Variants in ZNF114 observed in about 807,000 individuals in gnomAD.
ZNF114 encodes the protein zinc finger protein 114.
In ZNF114, 8 loss-of-function variants were observed where a neutral mutation model predicts 6.8. The ratio of observed to expected loss-of-function variants is 1.18; its 90% CI spans 0.69 to 2.13. The LOEUF is 2.13. Among genes scored for constraint, ZNF114 ranks in the 30% most tolerant of loss-of-function variants. The pLI, the probability that ZNF114 is intolerant of heterozygous loss-of-function variation, is 0.00. For missense variants in ZNF114, 472 were observed against 519.5 expected (o/e 0.91, Z 0.89); for synonymous variants, 169 against 185.5 (o/e 0.91, Z 0.72).
intron 3 of ZNF114, among the ~76,000 whole-genome samples, chr19:48,274,517 T>A (rs1439150892): frequency 1.5e-5 from 2 of 137,858 alleles, no homozygotes; most frequent in African/African-American, 5.8e-5. Flanking sequence ...TTTTTTTTTT[T>A]TTTTTTGAGA....
At chr19:48,277,794 G>GGGGGGTGTGTGTGTGTGTGTGTGTGTGT (rs1330052475) in intron 3 of ZNF114, among the ~76,000 whole-genome samples, 22 of 119,410 alleles carry the variant, frequency 1.8e-4, no homozygotes, top group Middle Eastern at 4.6e-3. Context: ...GGAGGCATTG[G>GGGGGGTGTGTGTGTGTGTGTGTGTGTGT]GTGTGTGTGT....
At position 48,286,052 on chromosome 19, in the gene ZNF114, G is replaced by A. The variant is rs752761142; in HGVS notation, c.428G>A (p.Gly143Glu). 1.9e-6 allele frequency: 3 copies of A among 1,613,876 alleles called. No homozygotes were observed. The highest frequency in any genetic ancestry group is 2.5e-6 in the Non-Finnish European group (3 of 1,180,046). ...KPTCRLVPSQGDSIRQCILTR... is the reference protein window; with the variant it reads ...KPTCRLVPSQEDSIRQCILTR... ...ACCTGCAGGCTTGTGCCTTCACAGG[G>A]AGATTCCATAAGACAATGTATCCTA... is the stretch of plus-strand genomic sequence containing the variant. Residue 143 changes from glycine (G) to glutamate (E), a missense_variant, in exon 6 of 6, where the codon GGA (glycine) becomes GAA (glutamate). Gly to Glu is a moderately conservative substitution (Grantham distance 98). Transcript: ENST00000595607.
At chr19:48,274,836 A>C (rs1043911305) in intron 3 of ZNF114, among the ~76,000 whole-genome samples, 3 of 151,944 alleles carry the variant, frequency 2.0e-5, no homozygotes, top group Admixed American at 2.0e-4. Flanking sequence ...CAGGATGCAA[A>C]CACATTGTGT....
At chr19:48,273,442 T>TA (rs1967732771) in intron 3 of ZNF114, among the ~76,000 whole-genome samples, 4 of 151,240 alleles carry the variant, frequency 2.6e-5, no homozygotes, top group Non-Finnish European at 5.9e-5. Flanking sequence ...TTTTTTTTTT[T>TA]AAACTACTGT....
chr19:48,282,033 C>G (rs1455004366), intron 4 of ZNF114: 2 of 219,968 alleles, frequency 9.1e-6, no homozygotes, highest in Non-Finnish European at 1.8e-5. Flanking sequence ...GTAGCTGGGA[C>G]TAAAGGCACC....
chr19:48,280,901 T>C (rs544262588), intron 4 of ZNF114, among the ~76,000 whole-genome samples: 1 of 152,266 alleles, frequency 6.6e-6, no homozygotes, highest in East Asian at 1.9e-4. Context: ...TATAACAGCC[T>C]GAACAGGCTA....
intron 3 of ZNF114, among the ~76,000 whole-genome samples, chr19:48,278,225 C>A (rs1012781440): frequency 6.6e-6 from 1 of 152,170 alleles, no homozygotes; most frequent in Non-Finnish European, 1.5e-5. Flanking sequence ...CTTGAGCCAA[C>A]GCGCCCGGCC....
At chr19:48,275,419 A>AACACACACACACACACACACACAC (rs58275965) in intron 3 of ZNF114, among the ~76,000 whole-genome samples, 111 of 133,188 alleles carry the variant, frequency 8.3e-4, no homozygotes, top group African/African-American at 1.1e-3. Context: ...TCTCTACTAA[A>AACACACACACACACACACACACAC]ACACACACAC....
At chr19:48,278,818 C>A (rs576614331) in intron 3 of ZNF114, among the ~76,000 whole-genome samples, 40 of 152,186 alleles carry the variant, frequency 2.6e-4, no homozygotes, top group African/African-American at 9.4e-4. Context: ...TGGCAGGCAC[C>A]TGTAATGGCA....
chr19:48,276,224 CGT>C (rs1967828323), intron 3 of ZNF114, among the ~76,000 whole-genome samples: 2 of 151,374 alleles, frequency 1.3e-5, no homozygotes, highest in Admixed American at 1.3e-4. Context: ...GGATTACAGG[CGT>C]GTGCCACCAC....
At chr19:48,270,701 G>A (rs1052956607) in intron 1 of ZNF114, among the ~76,000 whole-genome samples, 1 of 136,014 alleles carries the variant, frequency 7.4e-6, no homozygotes, top group Non-Finnish European at 1.6e-5. Context: ...GGGAGGGAGA[G>A]GAAAAGAAAG....
chr19:48,285,751 T>C lies in ZNF114; in HGVS notation c.137-10T>C. The C allele has an allele frequency of 1.3e-6, 2 of 1,591,610 alleles. No homozygotes were observed. The highest frequency in any genetic ancestry group is 1.7e-6 in the Non-Finnish European group (2 of 1,171,230). On this transcript the variant is annotated splice_polypyrimidine_tract_variant and intron_variant, in intron 5 of 5. Coordinates refer to ENST00000595607, the MANE Select transcript of ZNF114 (RefSeq NM_153608.4). ...ACAAAGAATTTAACTTTTGTGCCAC[T>C]GTATTTCAGATTGGGCAACTCCATG...
At chr19:48,274,905 CTAGTTGGAGTCCCTGGG>C (rs1967784399) in intron 3 of ZNF114, among the ~76,000 whole-genome samples, 1 of 152,074 alleles carries the variant, frequency 6.6e-6, no homozygotes. Flanking sequence ...ATGACATTTA[CTAGTTGGAGTCCCTGGG>C]TAGTCAGAAT....
rs1362525923 is a variant in ZNF114, at chr19:48,286,472, C to G, written c.848C>G (p.Ala283Gly). ...ETNKKDCQTG[A>G]TSANAPNSGS... ...AACAAGAAGGATTGTCAAACTGGGG[C>G]AACCTCTGCCAACGCTCCAAATTCC... Residue 283 changes from alanine to glycine, a missense_variant, in exon 6 of 6, where the codon GCA (alanine) becomes GGA (glycine). Transcript: ENST00000595607. 6.2e-7 allele frequency: 1 copy of G among 1,614,090 alleles called. No individual in the cohort carries two copies. Among genetic ancestry groups the G allele is most frequent in the African/African-American group, 1.3e-5 (1 of 74,954 alleles).
intron 3 of ZNF114, among the ~76,000 whole-genome samples, chr19:48,272,792 CTTTTTTTT>C (rs1170280344): frequency 2.4e-5 from 2 of 83,768 alleles, no homozygotes; most frequent in Non-Finnish European, 4.3e-5. Context: ...CGAGAAAGAG[CTTTTTTTT>C]TTTTTTTTTT....
At chr19:48,281,501 C>CTTTTTTTTTTTTTTTTTTTTTTTTTT (rs3077995) in intron 4 of ZNF114, 1 of 126,368 alleles carries the variant, frequency 7.9e-6, no homozygotes, top group African/African-American at 3.1e-5. Context: ...ATTTCCCCTT[C>CTTTTTTTTTTTTTTTTTTTTTTTTTT]TTTTTTTTTT....
At chr19:48,280,342 C>T (rs187395233) in intron 4 of ZNF114, among the ~76,000 whole-genome samples, 1 of 151,948 alleles carries the variant, frequency 6.6e-6, no homozygotes, top group Non-Finnish European at 1.5e-5. Flanking sequence ...AGTGATCACT[C>T]CACTGCATTC....
chr19:48,274,479 CTT>C (rs201945272), intron 3 of ZNF114, among the ~76,000 whole-genome samples: 7,387 of 80,440 alleles, frequency 0.092, 321 homozygotes, highest in African/African-American at 0.18. Context: ...TAGAAAAAAA[CTT>C]TTATATATAT....
intron 3 of ZNF114, among the ~76,000 whole-genome samples, chr19:48,274,113 C>CAT (rs1208567660): frequency 2.1e-5 from 3 of 141,520 alleles, no homozygotes; most frequent in East Asian, 2.2e-4. Flanking sequence ...TACACACACA[C>CAT]ATATATATAA....
Sources: gnomAD v4.1 joint callset for allele counts (sites outside exome capture counted in the v4.1 genomes callset) on GRCh38, gnomAD v4.1.1 for gene constraint, MANE v1.5 for transcripts, NCBI Gene and HGNC (gene_info 2026-07-23, HGNC 2026-07-21) for gene names.